The following XKR4 variants were observed in gnomAD, a reference collection of about 807,000 sequenced individuals.
XKR4 encodes XK related 4, also known as XK-related protein 4.
In XKR4, 12 loss-of-function variants were observed where a neutral mutation model predicts 53.9. That is an observed-to-expected ratio of 0.22 (90% CI 0.14 to 0.36). XKR4 has a LOEUF of 0.36. Ranked by LOEUF, XKR4 falls within the 10% of genes least tolerant of loss-of-function variation. XKR4 has a pLI of 1.00. For synonymous variants in XKR4, 354 were observed against 362.4 expected (o/e 0.98, Z 0.26); for missense variants, 799 against 859.5 (o/e 0.93, Z 0.88).
chr8:55,124,514 AG>A (rs1816435338), intron 1 of XKR4, among the ~76,000 whole-genome samples: 1 of 152,168 alleles, frequency 6.6e-6, no homozygotes. Context: ...CCTCGCATTC[AG>A]TTGGTGTCAT....
chr8:55,288,926 C>T (rs1223531113), intron 1 of XKR4, among the ~76,000 whole-genome samples: 1 of 152,112 alleles, frequency 6.6e-6, no homozygotes. Flanking sequence ...TTGGAATTGG[C>T]TGTTTTTATT....
intron 1 of XKR4, among the ~76,000 whole-genome samples, chr8:55,286,175 T>C (rs933687252): frequency 1.3e-5 from 2 of 152,020 alleles, no homozygotes; most frequent in Non-Finnish European, 2.9e-5. Flanking sequence ...AAAATGACAA[T>C]TGTGAAATGA....
chr8:55,515,932 G>T lies in XKR4; in HGVS notation c.1007-7349G>T, dbSNP rs553719663. ...CACTTGTAAGTCTCATGCTCTGGTTGTTGGTGAAGGTAACCATACCAATCC... is the reference window on the plus strand; with the variant it reads ...CACTTGTAAGTCTCATGCTCTGGTTTTTGGTGAAGGTAACCATACCAATCC... On this transcript the variant is annotated intron_variant, in intron 2 of 2. Coordinates refer to ENST00000327381, the MANE Select transcript of XKR4 (RefSeq NM_052898.2). Among the ~76,000 whole-genome samples the T allele has an allele frequency of 5.9e-5, 9 of 152,306 alleles. No homozygotes were observed. The South Asian group carries it at 1.9e-3, about 32-fold the overall frequency.
chr8:55,478,700 G>C (rs1026452778), intron 2 of XKR4, among the ~76,000 whole-genome samples: 11 of 152,116 alleles, frequency 7.2e-5, no homozygotes, highest in African/African-American at 2.7e-4. Flanking sequence ...AAAGGATGGA[G>C]GAAGATCTAC....
At chr8:55,361,262 C>A (rs537425109) in intron 2 of XKR4, among the ~76,000 whole-genome samples, 1 of 151,778 alleles carries the variant, frequency 6.6e-6, no homozygotes, top group African/African-American at 2.4e-5. Context: ...AGGAGAGAGG[C>A]GGAGAGGGGA....
At chr8:55,333,001 T>C (rs376498059) in intron 1 of XKR4, among the ~76,000 whole-genome samples, 1 of 151,988 alleles carries the variant, frequency 6.6e-6, no homozygotes, top group African/African-American at 2.4e-5. Flanking sequence ...GTTTTGAGTC[T>C]GCTGTTGAAC....
At chr8:55,165,800 G>A (rs796595779) in intron 1 of XKR4, among the ~76,000 whole-genome samples, 5 of 134,896 alleles carry the variant, frequency 3.7e-5, no homozygotes, top group South Asian at 2.3e-4. Flanking sequence ...GCAAGACTCC[G>A]TCTCAAAAAA....
intron 1 of XKR4, among the ~76,000 whole-genome samples, chr8:55,257,837 A>G (rs529433577): frequency 6.6e-6 from 1 of 152,318 alleles, no homozygotes; most frequent in African/African-American, 2.4e-5. Flanking sequence ...CCCCTCCAAC[A>G]TCTAAAATGT....
At chr8:55,479,973 C>A (rs1234208182) in intron 2 of XKR4, among the ~76,000 whole-genome samples, 1 of 152,174 alleles carries the variant, frequency 6.6e-6, no homozygotes, top group African/African-American at 2.4e-5. Flanking sequence ...ACCAGAGGTA[C>A]AAGGAGGAGC....
At chr8:55,365,533 CG>C (rs1803967006) in intron 2 of XKR4, among the ~76,000 whole-genome samples, 1 of 152,086 alleles carries the variant, frequency 6.6e-6, no homozygotes, top group African/African-American at 2.4e-5. Context: ...GGAGAAACCC[CG>C]GCTCTACTAA....
At chr8:55,265,852 GCAT>G (rs947858993) in intron 1 of XKR4, among the ~76,000 whole-genome samples, 3 of 151,760 alleles carry the variant, frequency 2.0e-5, no homozygotes, top group Admixed American at 6.6e-5. Flanking sequence ...GGGTGTGGTG[GCAT>G]GCACCTGTAG....
At chr8:55,324,641 C>T (rs1187825735) in intron 1 of XKR4, among the ~76,000 whole-genome samples, 2 of 152,182 alleles carry the variant, frequency 1.3e-5, no homozygotes, top group African/African-American at 4.8e-5. Flanking sequence ...TAGGGGAAAA[C>T]TATCATTTAT....
chr8:55,105,826 A>G (rs1816138707), intron 1 of XKR4, among the ~76,000 whole-genome samples: 1 of 152,212 alleles, frequency 6.6e-6, no homozygotes, highest in East Asian at 1.9e-4. Flanking sequence ...AGCTTATGGA[A>G]CTTAACACTC....
At chr8:55,322,921 C>T (rs958951427) in intron 1 of XKR4, among the ~76,000 whole-genome samples, 1 of 152,056 alleles carries the variant, frequency 6.6e-6, no homozygotes, top group African/African-American at 2.4e-5. Context: ...GTGAGGACTT[C>T]CCGTATGTTG....
rs1804203806 is a variant in XKR4, at chr8:55,379,691, G to T, written c.1006+21814G>T. The stretch of plus-strand genomic sequence containing the variant: ...CTGCTGTCACCCTGCTTCTGGTTTT[G>T]TTGCAGGCTGGGGTCCAGCGGAATC... On this transcript the variant is annotated intron_variant, in intron 2 of 2. Coordinates refer to ENST00000327381, the MANE Select transcript of XKR4 (RefSeq NM_052898.2). Among the ~76,000 whole-genome samples the T allele has an allele frequency of 2.0e-5, 3 of 152,232 alleles. No individual in the cohort carries two copies. In the South Asian group the frequency reaches 6.2e-4, roughly 31 times the overall value.
intron 2 of XKR4, among the ~76,000 whole-genome samples, chr8:55,443,839 C>CAAA (rs1159375100): frequency 4.6e-5 from 1 of 21,614 alleles, no homozygotes; most frequent in Non-Finnish European, 8.3e-5. Context: ...AACTCCGTCT[C>CAAA]AAAAAAAAAA....
chr8:55,287,075 T>C (rs554897387), intron 1 of XKR4, among the ~76,000 whole-genome samples: 6 of 148,736 alleles, frequency 4.0e-5, no homozygotes, highest in Admixed American at 6.8e-5. Context: ...GAGAAAGTTA[T>C]ACTTTGAGGT....
intron 1 of XKR4, among the ~76,000 whole-genome samples, chr8:55,256,363 G>C (rs953176434): frequency 2.0e-5 from 3 of 152,352 alleles, no homozygotes; most frequent in Admixed American, 2.0e-4. Flanking sequence ...CTTGGTGGCT[G>C]TATGGAGAAT....
At position 55,449,423 on chromosome 8, in the gene XKR4, G is replaced by A. The variant is rs878915160; in HGVS notation, c.1007-73858G>A. On this transcript the variant is annotated intron_variant, in intron 2 of 2. Coordinates refer to ENST00000327381, the MANE Select transcript of XKR4 (RefSeq NM_052898.2). The stretch of plus-strand genomic sequence containing the variant: ...TCACTACTGCCGAGGGCCGGGCCGG[G>A]GCTGTAAACATGGCCAGGGCTGCCC... 4 of 683,548 alleles carry A rather than the reference G, an allele frequency of 5.9e-6. No individual in the cohort carries two copies. In the South Asian group the frequency reaches 6.8e-5, roughly 12 times the overall value. 42.3% of individuals were successfully genotyped at this position (683,548 alleles called of 1,614,324 possible).
Sources: allele counts gnomAD v4.1 joint callset (sites outside exome capture counted in the v4.1 genomes callset), GRCh38; gene constraint gnomAD v4.1.1; transcripts MANE v1.5; gene names NCBI Gene and HGNC (gene_info 2026-07-23, HGNC 2026-07-21).